The following STIM1 variants were observed in gnomAD, a reference collection of about 807,000 sequenced individuals.
STIM1 encodes the protein stromal interaction molecule 1.
In STIM1, 25 loss-of-function variants were observed where a neutral mutation model predicts 74.7. The observed-to-expected ratio is 0.33, with a 90% CI of 0.24 to 0.47. STIM1 has a LOEUF of 0.47. STIM1 is among the 20% of genes least tolerant of loss of function. The pLI is 1.00. For missense variants in STIM1, 728 were observed against 920.8 expected (o/e 0.79, Z 2.71); for synonymous variants, 328 against 348.8 (o/e 0.94, Z 0.66).
chr11:3,939,593 A>G (rs2092979622), intron 1 of STIM1, among the ~76,000 whole-genome samples: 2 of 152,204 alleles, frequency 1.3e-5, no homozygotes, highest in Admixed American at 1.3e-4. Context: ...ACCTTGTGAT[A>G]TAGGCAAGAA....
intron 1 of STIM1, chr11:3,892,794 T>C: frequency 6.2e-7 from 1 of 1,613,242 alleles, no homozygotes. Context: ...TTTTCTGCTG[T>C]CTTTGGAACC....
At chr11:3,895,167 G>A (rs1485143752) in intron 1 of STIM1, among the ~76,000 whole-genome samples, 2 of 152,176 alleles carry the variant, frequency 1.3e-5, no homozygotes, top group Non-Finnish European at 2.9e-5. Context: ...AGCACTTGGT[G>A]TTCTCTAGCC....
intron 1 of STIM1, among the ~76,000 whole-genome samples, chr11:3,962,902 A>G (rs1010282763): frequency 2.0e-5 from 3 of 152,230 alleles, no homozygotes; most frequent in Non-Finnish European, 4.4e-5. Flanking sequence ...AAATGAATTA[A>G]TAACTAAATA....
chr11:4,029,137 G>A (rs1191182605), intron 3 of STIM1, among the ~76,000 whole-genome samples: 4 of 152,074 alleles, frequency 2.6e-5, no homozygotes, highest in Non-Finnish European at 5.9e-5. Flanking sequence ...GCAGTGAGCC[G>A]AGATCACGCC....
chr11:3,918,711 C>T lies in STIM1; in HGVS notation c.140-48841C>T, dbSNP rs192318020. 1.1e-4 allele frequency among the ~76,000 whole-genome samples: 17 copies of T among 152,230 alleles called. No homozygotes were observed. In the East Asian group the frequency reaches 2.7e-3, roughly 24 times the overall value. ...TTGGCCAACAGAGTTCCATTCTACT[C>T]ATGGAACCCAGGGGTCAGGGTCAGC... On this transcript the variant is annotated intron_variant, in intron 1 of 12. Transcript: ENST00000526596.
At chr11:3,971,295 C>T (rs1179634244) in intron 2 of STIM1, among the ~76,000 whole-genome samples, 2 of 151,338 alleles carry the variant, frequency 1.3e-5, no homozygotes, top group African/African-American at 4.9e-5. Context: ...TTTGGAAGGC[C>T]GAGGCGGGTG....
intron 1 of STIM1, among the ~76,000 whole-genome samples, chr11:3,870,967 G>C (rs542892544): frequency 1.3e-5 from 2 of 149,562 alleles, no homozygotes; most frequent in Non-Finnish European, 3.0e-5. Context: ...CTGCCTCCTG[G>C]GTTCAAGCGA....
chr11:3,877,499 A>G (rs1340200727), intron 1 of STIM1, among the ~76,000 whole-genome samples: 2 of 152,124 alleles, frequency 1.3e-5, no homozygotes, highest in Non-Finnish European at 1.5e-5. Context: ...TCAATCCCCT[A>G]TCCCCACCCT....
At chr11:4,010,456 C>T (rs1315259824) in intron 2 of STIM1, among the ~76,000 whole-genome samples, 2 of 152,160 alleles carry the variant, frequency 1.3e-5, no homozygotes. Flanking sequence ...CAGGCATGAG[C>T]CACTGCGCCC....
intron 1 of STIM1, among the ~76,000 whole-genome samples, chr11:3,949,260 G>A (rs879630290): frequency 3.3e-5 from 5 of 152,152 alleles, no homozygotes; most frequent in Admixed American, 2.0e-4. Context: ...GGTGCAGAAT[G>A]GGGCAAGGAT....
intron 1 of STIM1, among the ~76,000 whole-genome samples, chr11:3,951,165 G>T (rs771542651): frequency 2.3e-4 from 35 of 152,138 alleles, no homozygotes; most frequent in Non-Finnish European, 1.8e-4. Context: ...ACTTCATTCT[G>T]GATAGTCTCC....
chr11:4,087,511 G>C (rs1012092141), intron 12 of STIM1, among the ~76,000 whole-genome samples: 2 of 152,188 alleles, frequency 1.3e-5, no homozygotes, highest in Admixed American at 6.5e-5. Context: ...CTGGATATGT[G>C]TTGGTGGGAA....
chr11:3,950,134 A>ATTT (rs574446467), intron 1 of STIM1, among the ~76,000 whole-genome samples: 1 of 132,210 alleles, frequency 7.6e-6, no homozygotes, highest in Admixed American at 7.6e-5. Flanking sequence ...TAGGTCATTC[A>ATTT]TTTTTTTTTT....
At chr11:3,907,634 C>G (rs771695634) in intron 1 of STIM1, among the ~76,000 whole-genome samples, 7 of 152,256 alleles carry the variant, frequency 4.6e-5, no homozygotes, top group Middle Eastern at 3.4e-3. Flanking sequence ...CCTTTCAAAA[C>G]GTAAATCCAA....
At chr11:3,950,353 T>C (rs1249866689) in intron 1 of STIM1, among the ~76,000 whole-genome samples, 1 of 152,080 alleles carries the variant, frequency 6.6e-6, no homozygotes, top group African/African-American at 2.4e-5. Flanking sequence ...AGGCTGGTCT[T>C]GAACTCCTGA....
intron 5 of STIM1, among the ~76,000 whole-genome samples, chr11:4,063,437 A>C (rs1402876086): frequency 6.6e-6 from 1 of 151,976 alleles, no homozygotes; most frequent in Admixed American, 6.5e-5. Context: ...GCATGTGCTC[A>C]CTTTTGAGTC....
chr11:4,077,647 A>C (rs952479908), intron 7 of STIM1, among the ~76,000 whole-genome samples: 1 of 152,160 alleles, frequency 6.6e-6, no homozygotes, highest in East Asian at 1.9e-4. Flanking sequence ...TCCTTCTGAG[A>C]ATCTAATATT....
chr11:4,064,552 C>G (rs1381326430), intron 5 of STIM1, among the ~76,000 whole-genome samples: 2 of 152,144 alleles, frequency 1.3e-5, no homozygotes, highest in Non-Finnish European at 2.9e-5. Flanking sequence ...CCTTACTGAG[C>G]TATAATAAAA....
At chr11:3,962,899 TTAA>T (rs1208642781) in intron 1 of STIM1, among the ~76,000 whole-genome samples, 1 of 152,192 alleles carries the variant, frequency 6.6e-6, no homozygotes, top group East Asian at 1.9e-4. Context: ...ATAAAATGAA[TTAA>T]TAACTAAATA....
Sources: gnomAD v4.1 joint callset for allele counts (sites outside exome capture counted in the v4.1 genomes callset) on GRCh38, gnomAD v4.1.1 for gene constraint, MANE v1.5 for transcripts, NCBI Gene and HGNC (gene_info 2026-07-23, HGNC 2026-07-21) for gene names.